FNDC1: variants seen among roughly 807,000 people sequenced by gnomAD.
FNDC1 encodes fibronectin type III domain containing 1.
FNDC1 carries 96 observed loss-of-function variants against 168.0 expected under a neutral mutation model. The ratio of observed to expected loss-of-function variants is 0.57; its 90% CI spans 0.48 to 0.68. FNDC1 has a LOEUF of 0.68. Ranked by LOEUF, FNDC1 falls within the 30% of genes least tolerant of loss-of-function variation. The pLI is 0.00. For missense variants in FNDC1, 2,587 were observed against 2,482.1 expected (o/e 1.04, Z -0.90); for synonymous variants, 1,099 against 1,025.9 (o/e 1.07, Z -1.36).
At chr6:159,239,161 C>T (rs1327993337) in intron 13 of FNDC1, among the ~76,000 whole-genome samples, 1 of 152,134 alleles carries the variant, frequency 6.6e-6, no homozygotes. Flanking sequence ...TGTCTATCTT[C>T]TTTTTTGCAC....
At chr6:159,178,887 G>A (rs1038682562) in intron 1 of FNDC1, among the ~76,000 whole-genome samples, 6 of 151,818 alleles carry the variant, frequency 4.0e-5, no homozygotes, top group Non-Finnish European at 7.4e-5. Context: ...GTCCTCTCCC[G>A]CAACATTCCA....
chr6:159,221,519 A>G, intron 5 of FNDC1, 79 bp from the exon 6 acceptor site: 1 of 1,124,282 alleles, frequency 8.9e-7, no homozygotes, highest in Non-Finnish European at 1.3e-6. Context: ...GGAATGCAGA[A>G]CCCCCGCTCC....
At chr6:159,199,337 AC>A (rs1178505925) in intron 2 of FNDC1, among the ~76,000 whole-genome samples, 1 of 152,066 alleles carries the variant, frequency 6.6e-6, no homozygotes, top group African/African-American at 2.4e-5. Flanking sequence ...TTTGGCCTTG[AC>A]CCCTAGATGA....
chr6:159,262,903 C>T (rs902017414), intron 19 of FNDC1, among the ~76,000 whole-genome samples: 1 of 152,214 alleles, frequency 6.6e-6, no homozygotes, highest in Non-Finnish European at 1.5e-5. Flanking sequence ...TGGTCATCTT[C>T]CTTTATTCCA....
intron 5 of FNDC1, among the ~76,000 whole-genome samples, chr6:159,220,996 T>A (rs1052421142): frequency 6.6e-6 from 1 of 152,248 alleles, no homozygotes; most frequent in Non-Finnish European, 1.5e-5. Context: ...GGGCAAGAAC[T>A]GACTGAAAGA....
chr6:159,213,875 G>T (rs1782658808), intron 4 of FNDC1, among the ~76,000 whole-genome samples: 1 of 152,164 alleles, frequency 6.6e-6, no homozygotes, highest in Non-Finnish European at 1.5e-5. Context: ...CAGGACGTTG[G>T]AACCAGGTGT....
intron 1 of FNDC1, among the ~76,000 whole-genome samples, chr6:159,181,098 A>C (rs1012628418): frequency 4.6e-5 from 7 of 152,184 alleles, no homozygotes; most frequent in Non-Finnish European, 1.0e-4. Context: ...ATTCCCATCA[A>C]CAATGTAAAA....
intron 14 of FNDC1, chr6:159,241,293 A>G (rs1384098575): frequency 6.6e-6 from 1 of 152,200 alleles, no homozygotes; most frequent in African/African-American, 2.4e-5. Context: ...AAAATTGACT[A>G]TTTTGGATTT....
chr6:159,254,545 AAC>A (rs1408465306), intron 17 of FNDC1, among the ~76,000 whole-genome samples: 1 of 151,860 alleles, frequency 6.6e-6, no homozygotes, highest in African/African-American at 2.4e-5. Flanking sequence ...GTCTCTACTA[AAC>A]ATACAAAAAA....
chr6:159,257,071 A>C (rs1330624912), intron 18 of FNDC1, among the ~76,000 whole-genome samples: 1 of 152,234 alleles, frequency 6.6e-6, no homozygotes, highest in East Asian at 1.9e-4. Context: ...CATTTTACAC[A>C]TTTGTAGAGG....
At chr6:159,266,277 G>A (rs1379614030) in intron 21 of FNDC1, 32 bp downstream of exon 21, 2 of 1,610,004 alleles carry the variant, frequency 1.2e-6, no homozygotes, top group South Asian at 1.1e-5. Context: ...GCTATGGGAG[G>A]TATGGAACAT....
At chr6:159,170,042 C>T (rs1781619701) in intron 1 of FNDC1, 1 of 156,630 alleles carries the variant, frequency 6.4e-6, no homozygotes, top group Non-Finnish European at 1.4e-5. Context: ...TAATGCCTTT[C>T]TTTGCCCAGA....
chr6:159,206,943 G>T (rs1583870845), intron 4 of FNDC1, among the ~76,000 whole-genome samples: 1 of 152,190 alleles, frequency 6.6e-6, no homozygotes. Flanking sequence ...TTTCAAAGCT[G>T]CCTCTCATGT....
chr6:159,253,835 G>A (rs1777320237), intron 17 of FNDC1, among the ~76,000 whole-genome samples: 1 of 152,236 alleles, frequency 6.6e-6, no homozygotes, highest in African/African-American at 2.4e-5. Context: ...TCTGATGGAA[G>A]CCAGAGGTCC....
chr6:159,229,830 ACGCCC>A lies in FNDC1; in HGVS notation c.1199_1203del (p.Ala400GlyfsTer58). On this transcript the variant is annotated frameshift_variant, in exon 10 of 23. Coordinates refer to ENST00000297267, the MANE Select transcript of FNDC1 (RefSeq NM_032532.3). LOFTEE classifies it high-confidence loss of function. The stretch of plus-strand genomic sequence containing the variant: ...ATCATTTCAGAATACATTCTTTCAT[ACGCCC>A]CGGCTCTCAAACCATTTGGAGCAAA... 4 of 1,611,364 alleles carry A rather than the reference ACGCCC, an allele frequency of 2.5e-6. No homozygotes were observed. Among genetic ancestry groups the A allele is most frequent in the Non-Finnish European group, 3.4e-6 (4 of 1,178,656 alleles).
intron 8 of FNDC1, among the ~76,000 whole-genome samples, chr6:159,225,974 G>A (rs1328158598): frequency 6.6e-6 from 1 of 152,150 alleles, no homozygotes; most frequent in East Asian, 1.9e-4. Context: ...GACATGTGGA[G>A]CACATTAAAT....
intron 14 of FNDC1, among the ~76,000 whole-genome samples, 158 bp downstream of exon 14, chr6:159,240,115 C>A (rs1035185331): frequency 1.3e-5 from 2 of 152,136 alleles, no homozygotes; most frequent in African/African-American, 4.8e-5. Context: ...TTTGACAGTA[C>A]CATGCCACAG....
intron 1 of FNDC1, among the ~76,000 whole-genome samples, chr6:159,182,063 C>A (rs1781891491): frequency 6.6e-6 from 1 of 152,304 alleles, no homozygotes; most frequent in South Asian, 2.1e-4. Flanking sequence ...ACATATGTAC[C>A]TGCTGATATT....
chr6:159,236,376 T>A, intron 12 of FNDC1, 61 bp downstream of exon 12: 1 of 1,108,900 alleles, frequency 9.0e-7, no homozygotes, highest in Non-Finnish European at 1.4e-6. Flanking sequence ...AGAAAAATGG[T>A]GGACATTGTG....
Sources: allele counts gnomAD v4.1 joint callset (sites outside exome capture counted in the v4.1 genomes callset), GRCh38; gene constraint gnomAD v4.1.1; transcripts MANE v1.5; gene names NCBI Gene and HGNC (gene_info 2026-07-23, HGNC 2026-07-21).